Variants in SAMTOR observed in about 807,000 individuals in gnomAD.
SAMTOR encodes the protein S-adenosylmethionine sensor upstream of mTORC1.
At chr7:112,836,901 G>T in the SAMTOR span, among the ~76,000 whole-genome samples, 1 of 151,956 alleles carries the variant, frequency 6.6e-6, no homozygotes. Flanking sequence ...TGTTATTTTT[G>T]CTTAGAATTG....
chr7:112,858,723 G>A, the SAMTOR span, among the ~76,000 whole-genome samples: 2 of 152,072 alleles, frequency 1.3e-5, no homozygotes, highest in African/African-American at 2.4e-5. Context: ...TATTTGTACA[G>A]GGTGTCCACT....
the SAMTOR span, among the ~76,000 whole-genome samples, chr7:112,886,314 A>T: frequency 7.9e-5 from 12 of 152,348 alleles, no homozygotes; most frequent in African/African-American, 2.6e-4. Context: ...ACTTAATGCT[A>T]GTGAGTTTTG....
chr7:112,922,217 C>T, the SAMTOR span, among the ~76,000 whole-genome samples: 2 of 152,210 alleles, frequency 1.3e-5, no homozygotes, highest in African/African-American at 4.8e-5. Context: ...CTCGGCCTCC[C>T]GAGGTGCCGG....
the SAMTOR span, among the ~76,000 whole-genome samples, chr7:112,924,363 T>G: frequency 6.6e-6 from 1 of 152,154 alleles, no homozygotes; most frequent in African/African-American, 2.4e-5. Context: ...ATTTAACTAT[T>G]CAAATTTGAA....
chr7:112,886,483 T>C, the SAMTOR span, among the ~76,000 whole-genome samples: 1 of 152,150 alleles, frequency 6.6e-6, no homozygotes, highest in African/African-American at 2.4e-5. Context: ...CACAAAGATT[T>C]ATTGCTGAAA....
chr7:112,865,474 C>A, the SAMTOR span, among the ~76,000 whole-genome samples: 1 of 151,852 alleles, frequency 6.6e-6, no homozygotes, highest in African/African-American at 2.4e-5. Context: ...GACAGGGTTT[C>A]GCCATGTTGG....
the SAMTOR span, among the ~76,000 whole-genome samples, chr7:112,863,687 C>T: frequency 2.0e-5 from 3 of 152,158 alleles, no homozygotes; most frequent in East Asian, 5.8e-4. Flanking sequence ...AGCTTGATAT[C>T]ACTTATCATT....
At chr7:112,844,865 A>G in the SAMTOR span, among the ~76,000 whole-genome samples, 485 of 152,324 alleles carry the variant, frequency 3.2e-3, 1 homozygote, top group Non-Finnish European at 6.0e-3. Flanking sequence ...AAGCTGCTAC[A>G]GTAAACAAAA....
chr7:112,890,082 G>A, the SAMTOR span, among the ~76,000 whole-genome samples: 5 of 152,300 alleles, frequency 3.3e-5, no homozygotes, highest in South Asian at 8.3e-4. Context: ...GATAGATATA[G>A]AGGAGTTAGA....
At chr7:112,908,680 T>C in the SAMTOR span, among the ~76,000 whole-genome samples, 1 of 152,154 alleles carries the variant, frequency 6.6e-6, no homozygotes, top group Non-Finnish European at 1.5e-5. Context: ...TATGTACATA[T>C]GCATATGTAC....
At chr7:112,916,772 C>T in the SAMTOR span, among the ~76,000 whole-genome samples, 10,757 of 152,274 alleles carry the variant, frequency 0.071, 441 homozygotes, top group South Asian at 0.13. Flanking sequence ...GCTTGGGAAA[C>T]GGCGCAACAG....
At chr7:112,832,449 C>T in the SAMTOR span, 1 of 667,502 alleles carries the variant, frequency 1.5e-6, no homozygotes, top group African/African-American at 1.9e-5. Context: ...GAAATCTCTC[C>T]TCAATGGGTA....
At chr7:112,837,809 A>G in the SAMTOR span, among the ~76,000 whole-genome samples, 2 of 151,970 alleles carry the variant, frequency 1.3e-5, no homozygotes, top group Non-Finnish European at 2.9e-5. Flanking sequence ...GTCTCTGGTC[A>G]TAACATTTTC....
the SAMTOR span, among the ~76,000 whole-genome samples, chr7:112,846,145 C>CCTTTTTTT: frequency 3.4e-4 from 44 of 129,004 alleles, no homozygotes; most frequent in Non-Finnish European, 5.3e-4. Context: ...ATCTGTACAA[C>CCTTTTTTT]TTTTTTTTTT....
At chr7:112,863,566 C>T in the SAMTOR span, among the ~76,000 whole-genome samples, 7 of 151,882 alleles carry the variant, frequency 4.6e-5, no homozygotes, top group East Asian at 1.9e-4. Context: ...GCATCTACAA[C>T]GAACTTAAAC....
At chr7:112,819,472 CT>C in the SAMTOR span, 1 of 152,206 alleles carries the variant, frequency 6.6e-6, no homozygotes, top group Admixed American at 6.6e-5. Context: ...CATACATGAT[CT>C]GGCATCAAGC....
chr7:112,847,989 A>G, the SAMTOR span, among the ~76,000 whole-genome samples: 1 of 152,004 alleles, frequency 6.6e-6, no homozygotes, highest in Non-Finnish European at 1.5e-5. Context: ...AAATTTAAAA[A>G]ATTAAAAAAT....
At chr7:112,874,483 C>T in the SAMTOR span, among the ~76,000 whole-genome samples, 1 of 152,056 alleles carries the variant, frequency 6.6e-6, no homozygotes, top group South Asian at 2.1e-4. Flanking sequence ...GCACTGGGGA[C>T]TCCAAACGTA....
the SAMTOR span, among the ~76,000 whole-genome samples, chr7:112,930,066 T>C: frequency 6.6e-6 from 1 of 152,142 alleles, no homozygotes; most frequent in Non-Finnish European, 1.5e-5. Flanking sequence ...CTTAGGCATA[T>C]TGCCAAATAC....
Sources: allele counts gnomAD v4.1 joint callset (sites outside exome capture counted in the v4.1 genomes callset), GRCh38; gene constraint gnomAD v4.1.1; transcripts MANE v1.5; gene names NCBI Gene and HGNC (gene_info 2026-07-23, HGNC 2026-07-21).